NECAB1: variants seen among roughly 807,000 people sequenced by gnomAD.
NECAB1 encodes the protein N-terminal EF-hand calcium binding protein 1.
Under a neutral mutation model 57.5 loss-of-function variants are expected in NECAB1, and 29 were observed. The ratio of observed to expected loss-of-function variants is 0.50; its 90% CI spans 0.38 to 0.69. The LOEUF (loss-of-function observed/expected upper bound fraction) is 0.69. NECAB1 is among the 30% of genes least tolerant of loss of function. The pLI is 0.00. For synonymous variants in NECAB1, 142 were observed against 147.7 expected, an observed-to-expected ratio of 0.96 and a Z score of 0.28; for missense variants, 372 against 413.8, an observed-to-expected ratio of 0.90 and a Z score of 0.88.
intron 3 of NECAB1, among the ~76,000 whole-genome samples, chr8:90,835,405 A>T (rs1370762880): frequency 6.6e-6 from 1 of 152,122 alleles, no homozygotes; most frequent in South Asian, 2.1e-4. Flanking sequence ...GCTTGGGCTT[A>T]TGTCCCTCCA....
intron 3 of NECAB1, among the ~76,000 whole-genome samples, chr8:90,836,729 A>C (rs1241465122): frequency 6.6e-6 from 1 of 152,238 alleles, no homozygotes; most frequent in Admixed American, 6.5e-5. Context: ...CTTCCAAAAA[A>C]TTAGTCATTT....
chr8:90,927,722 C>G (rs2130178060), intron 7 of NECAB1, among the ~76,000 whole-genome samples: 1 of 151,464 alleles, frequency 6.6e-6, no homozygotes, highest in East Asian at 1.9e-4. Context: ...CACTCTTAAC[C>G]ACTATGCCAT....
chr8:90,854,625 G>A (rs2129788249), intron 3 of NECAB1, among the ~76,000 whole-genome samples: 1 of 152,258 alleles, frequency 6.6e-6, no homozygotes, highest in South Asian at 2.1e-4. Flanking sequence ...AGATGAATTG[G>A]CAATTACATA....
rs573671154 is a variant in NECAB1 at position 90,845,406 on chromosome 8, C to A, written c.233+20581C>A. The stretch of plus-strand genomic sequence containing the variant: ...AATTTGGTTTATATTTTTTAAAATA[C>A]CTAGCATGCATACTTATATTATGTA... On this transcript the variant is annotated intron_variant, in intron 3 of 12. Coordinates refer to ENST00000417640, the MANE Select transcript of NECAB1 (RefSeq NM_022351.5). 2.2e-4 allele frequency among the ~76,000 whole-genome samples: 34 copies of A among 152,212 alleles called. No homozygotes were observed. The South Asian group carries it at 6.6e-3, about 30-fold the overall frequency.
Position 90,955,542 on chromosome 8 carries a change from A to G in NECAB1, c.*30A>G. ...TCCTAGACATTTTCTTTATGGTTCC[A>G]AGTGCAAAACAGGTGTTCTTATCTA... On this transcript the variant is annotated 3_prime_UTR_variant, in exon 13 of 13. Transcript: ENST00000417640. 1 of 1,531,772 alleles carries G rather than the reference A, an allele frequency of 6.5e-7. No homozygotes were observed. The highest frequency in any genetic ancestry group is 8.8e-7 in the Non-Finnish European group (1 of 1,132,320). The allele number at this position is 1,531,772 out of a possible 1,614,324, so 94.9% of individuals were successfully genotyped here.
chr8:90,794,734 A>G (rs1811632570), intron 1 of NECAB1, among the ~76,000 whole-genome samples: 1 of 152,226 alleles, frequency 6.6e-6, no homozygotes, highest in Non-Finnish European at 1.5e-5. Context: ...GGGAAAATGG[A>G]AACAAAGCAA....
In NECAB1 at chr8:90,912,841, G is replaced by T. The variant is rs529086256; in HGVS notation, c.358-4651G>T. Among the ~76,000 whole-genome samples the T allele has an allele frequency of 3.2e-4, 48 of 152,310 alleles. 1 individual carries two copies. The highest frequency in any genetic ancestry group is 1.1e-3 in the African/African-American group (47 of 41,580). On this transcript the variant is annotated intron_variant, in intron 5 of 12. Coordinates refer to ENST00000417640, the MANE Select transcript of NECAB1 (RefSeq NM_022351.5). ...TTTTAAAAAGTAATAATTGTGGATA[G>T]AGTAGAAAAGAGCAAAAGACAACCT...
intron 2 of NECAB1, among the ~76,000 whole-genome samples, chr8:90,806,180 G>C (rs1811843671): frequency 6.6e-6 from 1 of 152,186 alleles, no homozygotes; most frequent in Non-Finnish European, 1.5e-5. Flanking sequence ...TGATCAGTAA[G>C]TAGGAAGGCT....
At chr8:90,887,537 C>T (rs765708984) in intron 5 of NECAB1, among the ~76,000 whole-genome samples, 2 of 152,080 alleles carry the variant, frequency 1.3e-5, no homozygotes, top group African/African-American at 4.8e-5. Context: ...ATTGGCAGTA[C>T]ATTGATATAG....
Position 90,857,371 on chromosome 8 carries a change from G to A in NECAB1, c.234-14757G>A, listed in dbSNP as rs547426288. ...AGAAAACAATGTTCAGACACAGTGC[G>A]AAACAGCCAAGTTATATTTTAAGAA... On this transcript the variant is annotated intron_variant, in intron 3 of 12. Transcript: ENST00000417640. Among the ~76,000 whole-genome samples, 13 of 152,152 alleles carry A rather than the reference G, an allele frequency of 8.5e-5. No homozygotes were observed. The East Asian group carries it at 1.4e-3, about 16-fold the overall frequency.
At chr8:90,908,313 T>C (rs1165958725) in intron 5 of NECAB1, among the ~76,000 whole-genome samples, 3 of 152,120 alleles carry the variant, frequency 2.0e-5, no homozygotes, top group African/African-American at 7.2e-5. Flanking sequence ...GGGAAGAAAT[T>C]TTGGTGATAT....
At chr8:90,896,604 CA>C (rs1428807761) in intron 5 of NECAB1, among the ~76,000 whole-genome samples, 2 of 117,288 alleles carry the variant, frequency 1.7e-5, no homozygotes, top group African/African-American at 6.1e-5. Flanking sequence ...GACTCCGTCT[CA>C]AAAAAAAACA....
chr8:90,947,309 C>T (rs60144153), intron 10 of NECAB1, among the ~76,000 whole-genome samples: 4,448 of 134,246 alleles, frequency 0.033, 324 homozygotes, highest in African/African-American at 0.12. Context: ...CACATACACA[C>T]ACACACACAC....
rs1402022048 is a variant in NECAB1, at chr8:90,949,877, T to C, written c.931T>C (p.Trp311Arg). The change falls in exon 11 of 13, where the codon TGG becomes CGG. Residue 311 changes from tryptophan (W) to arginine (R), a missense_variant. Physicochemically the swap from Trp to Arg is moderately radical, Grantham distance 101. Coordinates refer to ENST00000417640, the MANE Select transcript of NECAB1 (RefSeq NM_022351.5). ...IYEFWENSSVWNSHLQTNYSK... is the reference protein window; with the variant it reads ...IYEFWENSSVRNSHLQTNYSK... ...TGAGTTCTGGGAGAATAGTAGTGTATGGAATAGGTAAGTTGTGAGCAAGCC... is the reference window on the plus strand; with the variant it reads ...TGAGTTCTGGGAGAATAGTAGTGTACGGAATAGGTAAGTTGTGAGCAAGCC... 6 of 1,599,678 alleles carry C rather than the reference T, an allele frequency of 3.8e-6. No individual in the cohort carries two copies. The highest frequency in any genetic ancestry group is 2.2e-5 in the South Asian group (2 of 89,448).
intron 3 of NECAB1, among the ~76,000 whole-genome samples, chr8:90,856,203 AT>A: frequency 6.6e-6 from 1 of 152,270 alleles, no homozygotes; most frequent in Admixed American, 6.5e-5. Flanking sequence ...TTGTTAACAC[AT>A]TTTCAAATTT....
chr8:90,879,056 T>C (rs1228867810), intron 4 of NECAB1, among the ~76,000 whole-genome samples: 1 of 141,926 alleles, frequency 7.0e-6, no homozygotes, highest in Non-Finnish European at 1.5e-5. Flanking sequence ...TTATATAATA[T>C]ATATCTTATA....
At chr8:90,878,176 T>C (rs1452107351) in intron 4 of NECAB1, among the ~76,000 whole-genome samples, 1 of 152,088 alleles carries the variant, frequency 6.6e-6, no homozygotes, top group Non-Finnish European at 1.5e-5. Context: ...GATTGCACCT[T>C]GTATCTGGGC....
rs114775274 is a variant in NECAB1 at position 90,899,817 on chromosome 8, C to T, written c.358-17675C>T. Among the ~76,000 whole-genome samples, 297 of 152,242 alleles carry T rather than the reference C, an allele frequency of 2.0e-3. 1 individual carries two copies. Among genetic ancestry groups the T allele is most frequent in the Middle Eastern group, 6.8e-3 (2 of 294 alleles). On this transcript the variant is annotated intron_variant, in intron 5 of 12. Transcript: ENST00000417640. ...GGTGGGTGCTTGTTTCTTATACCAG[C>T]ATGAAGCTAAACATAATAGTTTGAA...
chr8:90,891,894 A>G (rs929556778), intron 5 of NECAB1, among the ~76,000 whole-genome samples: 2 of 152,022 alleles, frequency 1.3e-5, no homozygotes. Context: ...GGGTTTCACC[A>G]TATTGCCCAG....
Sources: gnomAD v4.1 joint callset for allele counts (sites outside exome capture counted in the v4.1 genomes callset) on GRCh38, gnomAD v4.1.1 for gene constraint, MANE v1.5 for transcripts, NCBI Gene and HGNC (gene_info 2026-07-23, HGNC 2026-07-21) for gene names.